The following ZNF471 variants were observed in gnomAD, a reference collection of about 807,000 sequenced individuals.
The protein encoded by ZNF471 is EZFIT-related protein 1.
In ZNF471, 7 loss-of-function variants were observed where a neutral mutation model predicts 13.7. That is an observed-to-expected ratio of 0.51 (90% CI 0.29 to 0.96). The LOEUF is 0.96. Among genes scored for constraint, ZNF471 ranks in the 40% least tolerant of loss-of-function variants. The pLI is 0.08. For synonymous variants in ZNF471, 218 were observed against 235.6 expected, an observed-to-expected ratio of 0.93 and a Z score of 0.68; for missense variants, 663 against 743.3, an observed-to-expected ratio of 0.89 and a Z score of 1.26.
chr19:56,520,305 G>A (rs2043952093), intron 4 of ZNF471, among the ~76,000 whole-genome samples: 1 of 152,170 alleles, frequency 6.6e-6, no homozygotes, highest in Middle Eastern at 3.2e-3. Context: ...CTTAGTGTCT[G>A]TTAAAAAAGG....
Position 56,516,388 on chromosome 19 carries a change from C to G in ZNF471, c.147C>G (p.Ser49Arg), listed in dbSNP as rs1480057810. Residue 49 changes from serine to arginine, a missense_variant, in exon 3 of 5, where the codon AGC (serine) becomes AGG (arginine). By Grantham distance (110) the Ser-to-Arg change is moderately radical (BLOSUM62 -1). Transcript: ENST00000308031. The surrounding 1 kb of genome is among the most constrained non-coding windows in gnomAD (Gnocchi z 4.4). The stretch of plus-strand genomic sequence containing the variant: ...GTATGATGTTGGAGAACTATCAGAG[C>G]CTGGTATCACTTGGTGAGGATCTTT... ...YRSMMLENYQ[S>R]LVSLGLCISK... is the part of the protein sequence containing the mutation. 3.1e-6 allele frequency: 5 copies of G among 1,613,294 alleles called. No homozygotes were observed. The highest frequency in any genetic ancestry group is 3.4e-6 in the Non-Finnish European group (4 of 1,179,554).
chr19:56,518,346 TA>T, intron 3 of ZNF471, 135 bp from the exon 4 acceptor site: 1 of 661,152 alleles, frequency 1.5e-6, no homozygotes, highest in Middle Eastern at 4.0e-4. Context: ...GAGTTTTATG[TA>T]GTCTGTCCTT....
chr19:56,511,453 G>A (rs1047185620), intron 1 of ZNF471, 64 bp from the exon 2 acceptor site: 1 of 1,275,522 alleles, frequency 7.8e-7, no homozygotes, highest in Non-Finnish European at 1.1e-6. Flanking sequence ...ACAGTTTTAG[G>A]CTAGTGATTC....
intron 1 of ZNF471, 85 bp from the exon 2 acceptor site, chr19:56,511,432 G>T: frequency 9.5e-7 from 1 of 1,058,062 alleles, no homozygotes. Flanking sequence ...ACCAAAGCTG[G>T]GAAGAAGAAG....
rs1373557560 is a variant in ZNF471 at position 56,525,484 on chromosome 19, C to T, written c.1417C>T (p.His473Tyr). Residue 473 changes from histidine (H) to tyrosine (Y), a missense_variant, in exon 5 of 5, where the codon CAC becomes TAC. Coordinates refer to ENST00000308031, the MANE Select transcript of ZNF471 (RefSeq NM_020813.4). The part of the protein sequence containing the change: ...ECGKAFRQNV[H>Y]LVSHLRIHTG... ...TGGGAAAGCCTTTAGGCAGAATGTA[C>T]ACCTTGTTAGTCATTTGAGAATTCA... is the stretch of plus-strand genomic sequence containing the variant. The T allele has an allele frequency of 1.2e-6, 2 of 1,614,068 alleles. No homozygotes were observed. Among genetic ancestry groups the T allele is most frequent in the Non-Finnish European group, 1.7e-6 (2 of 1,180,010 alleles).
chr19:56,518,682 C>G (rs2043927589), intron 4 of ZNF471, 105 bp downstream of exon 4: 1 of 887,286 alleles, frequency 1.1e-6, no homozygotes, highest in East Asian at 2.7e-5. Context: ...TCTTCATAAG[C>G]CTTACAGGCC....
chr19:56,516,438 A>G lies in ZNF471; in HGVS notation c.160+37A>G. On this transcript the variant is annotated intron_variant, in intron 3 of 4. Coordinates refer to ENST00000308031, the MANE Select transcript of ZNF471 (RefSeq NM_020813.4). This position sits in a 1 kb window ranked among gnomAD's most constrained non-coding sequence, Gnocchi z 4.4. ...TTCCCTCCTGCATAATCTACCTTTA[A>G]GGAACTTTTTTGTCTATATATTATT... The G allele has an allele frequency of 6.4e-7, 1 of 1,572,300 alleles. No individual in the cohort carries two copies. The highest frequency in any genetic ancestry group is 2.3e-5 in the East Asian group (1 of 44,144).
intron 2 of ZNF471, among the ~76,000 whole-genome samples, chr19:56,514,686 T>G (rs1189728478): frequency 2.0e-5 from 3 of 151,520 alleles, no homozygotes; most frequent in Admixed American, 2.0e-4. Flanking sequence ...ACTGTTGATG[T>G]TAATAGATGT....
rs2044053736 is a variant in ZNF471 at position 56,526,752 on chromosome 19, G to A, written c.*804G>A. The A allele has an allele frequency of 6.6e-6, 1 of 152,276 alleles. No individual in the cohort carries two copies. Among genetic ancestry groups the A allele is most frequent in the Non-Finnish European group, 1.5e-5 (1 of 68,094 alleles). 9.4% of individuals were successfully genotyped at this position (152,276 alleles called of 1,614,324 possible). On this transcript the variant is annotated 3_prime_UTR_variant, in exon 5 of 5. Coordinates refer to ENST00000308031, the MANE Select transcript of ZNF471 (RefSeq NM_020813.4). ...AAAGCCATGGGGAAGTTCCAGCTGA[G>A]CAGAGCCCTCCACAGCTCAGCAAAG...
chr19:56,521,242 C>T (rs2043966338), intron 4 of ZNF471, among the ~76,000 whole-genome samples: 1 of 152,144 alleles, frequency 6.6e-6, no homozygotes, highest in Admixed American at 6.5e-5. Flanking sequence ...CTATGTGGTA[C>T]AGTCATGGGC....
chr19:56,515,854 A>G (rs1483080470), intron 2 of ZNF471, among the ~76,000 whole-genome samples: 1 of 152,202 alleles, frequency 6.6e-6, no homozygotes, highest in East Asian at 1.9e-4. Context: ...ACCTAAGAAA[A>G]TTGCATTCTT....
rs1471388203 is a variant in ZNF471, at chr19:56,508,995, A to G, written c.-56+1075A>G. On this transcript the variant is annotated intron_variant, in intron 1 of 4. Coordinates refer to ENST00000308031, the MANE Select transcript of ZNF471 (RefSeq NM_020813.4). This position sits in a 1 kb window ranked among gnomAD's most constrained non-coding sequence, Gnocchi z 4.7. ...TTTGTGAGAGAGAGGGAGGCGATCA[A>G]AGTATAGGACAAAGTTATGTTTCCT... Among the ~76,000 whole-genome samples, 1 of 152,216 alleles carries G rather than the reference A, an allele frequency of 6.6e-6. No individual in the cohort carries two copies. The highest frequency in any genetic ancestry group is 1.9e-4 in the East Asian group (1 of 5,198).
intron 4 of ZNF471, among the ~76,000 whole-genome samples, chr19:56,519,672 A>C (rs1312798514): frequency 6.6e-6 from 1 of 152,218 alleles, no homozygotes; most frequent in African/African-American, 2.4e-5. Context: ...GATCTTTTGG[A>C]ATAATTTGGA....
chr19:56,517,814 G>A (rs1214716135), intron 3 of ZNF471, among the ~76,000 whole-genome samples: 1 of 152,108 alleles, frequency 6.6e-6, no homozygotes, highest in East Asian at 1.9e-4. Flanking sequence ...TTGGTTAGGT[G>A]CATCTAGTGA....
At position 56,525,751 on chromosome 19, in the gene ZNF471, C is replaced by G; in HGVS notation, c.1684C>G (p.Gln562Glu). The G allele has an allele frequency of 6.2e-7, 1 of 1,613,766 alleles. No homozygotes were observed. The highest frequency in any genetic ancestry group is 8.5e-7 in the Non-Finnish European group (1 of 1,179,800). Residue 562 changes from glutamine to glutamate, a missense_variant, in exon 5 of 5, where the codon CAA becomes GAA. Physicochemically the swap from Gln to Glu is conservative, Grantham distance 29. Transcript: ENST00000308031. ...CCAAACTTCCAATCTTACTCAACATCAAAGAATTCATACTGGAGAGAAACC... is the reference window on the plus strand; with the variant it reads ...CCAAACTTCCAATCTTACTCAACATGAAAGAATTCATACTGGAGAGAAACC... ...FSQTSNLTQHQRIHTGEKPYK... is the reference protein window; with the variant it reads ...FSQTSNLTQHERIHTGEKPYK...
chr19:56,509,711 C>T (rs1369138252), intron 1 of ZNF471: 2 of 232,468 alleles, frequency 8.6e-6, no homozygotes, highest in Non-Finnish European at 1.2e-5. Context: ...TTATTGCTTG[C>T]CTGGTGTGTG....
rs773509556 is a variant in ZNF471 at position 56,525,688 on chromosome 19, A to C, written c.1621A>C (p.Lys541Gln). ...AQHQKTHTGE[K>Q]PYECNECGKA... ...ACATCAGAAAACTCATACAGGAGAG[A>C]AACCTTATGAGTGTAATGAATGCGG... Residue 541 changes from lysine to glutamine, a missense_variant, in exon 5 of 5, where the codon AAA becomes CAA. Physicochemically the swap from Lys to Gln is moderately conservative, Grantham distance 53. Transcript: ENST00000308031. 1 of 1,614,136 alleles carries C rather than the reference A, an allele frequency of 6.2e-7. No individual in the cohort carries two copies. The highest frequency in any genetic ancestry group is 1.1e-5 in the South Asian group (1 of 91,070).
chr19:56,521,287 A>G (rs1243375719), intron 4 of ZNF471, among the ~76,000 whole-genome samples: 1 of 152,192 alleles, frequency 6.6e-6, no homozygotes, highest in Non-Finnish European at 1.5e-5. Context: ...TATGGACTGC[A>G]TATAAGACAG....
chr19:56,507,894 G>T lies in ZNF471; in HGVS notation c.-82G>T. ...GACTCACGGAGTCCTTCGGATGAGA[G>T]CGTCTGGGTGCCAGACGAGGCCGGG... On this transcript the variant is annotated 5_prime_UTR_variant, in exon 1 of 5. Coordinates refer to ENST00000308031, the MANE Select transcript of ZNF471 (RefSeq NM_020813.4). The T allele has an allele frequency of 4.1e-6, 4 of 985,556 alleles. No homozygotes were observed. Among genetic ancestry groups the T allele is most frequent in the Non-Finnish European group, 4.8e-6 (4 of 829,982 alleles). 61.1% of individuals were successfully genotyped at this position (985,556 alleles called of 1,614,324 possible).
Sources: allele counts gnomAD v4.1 joint callset (sites outside exome capture counted in the v4.1 genomes callset), GRCh38; gene constraint gnomAD v4.1.1; non-coding constraint Gnocchi (gnomAD v3.1); transcripts MANE v1.5; gene names NCBI Gene and HGNC (gene_info 2026-07-23, HGNC 2026-07-21).